The following CAMK2D variants were observed in gnomAD, a reference collection of about 807,000 sequenced individuals.
CAMK2D encodes the protein calcium/calmodulin dependent protein kinase II delta.
In CAMK2D, 37 loss-of-function variants were observed where a neutral mutation model predicts 84.0. The observed-to-expected ratio is 0.44, with a 90% CI of 0.34 to 0.58. The LOEUF (loss-of-function observed/expected upper bound fraction) is 0.58. Ranked by LOEUF, CAMK2D falls within the 20% of genes least tolerant of loss-of-function variation. The pLI is 0.02. For missense variants in CAMK2D, 448 were observed against 652.5 expected, an observed-to-expected ratio of 0.69 and a Z score of 3.41; for synonymous variants, 202 against 212.5, an observed-to-expected ratio of 0.95 and a Z score of 0.43.
chr4:113,556,375 G>A (rs1027518325), intron 4 of CAMK2D, among the ~76,000 whole-genome samples: 67 of 152,114 alleles, frequency 4.4e-4, no homozygotes, highest in African/African-American at 1.6e-3. Context: ...TACCCCAAAG[G>A]ATCATGCAGA....
intron 4 of CAMK2D, among the ~76,000 whole-genome samples, chr4:113,603,805 A>ATACATATATATATATATATATGTATATAT: frequency 7.3e-6 from 1 of 136,898 alleles, no homozygotes; most frequent in East Asian, 2.1e-4. Context: ...ATATATATTT[A>ATACATATATATATATATATATGTATATAT]AAACAGTAAG....
chr4:113,632,023 T>C (rs2099091758), intron 3 of CAMK2D, among the ~76,000 whole-genome samples: 1 of 152,194 alleles, frequency 6.6e-6, no homozygotes, highest in South Asian at 2.1e-4. Context: ...GATAGGCATA[T>C]GTATTTATGA....
At chr4:113,459,689 C>T (rs1057310316) in intron 18 of CAMK2D, among the ~76,000 whole-genome samples, 22 of 142,382 alleles carry the variant, frequency 1.5e-4, no homozygotes, top group Admixed American at 5.8e-4. Context: ...CCCAGGCTTG[C>T]GATCTTGGCT....
intron 17 of CAMK2D, among the ~76,000 whole-genome samples, chr4:113,460,448 C>G (rs2097359333): frequency 6.6e-6 from 1 of 152,014 alleles, no homozygotes; most frequent in Non-Finnish European, 1.5e-5. Context: ...CTGATAGGAA[C>G]AAACTAATTT....
chr4:113,641,400 C>A (rs1172572656), intron 3 of CAMK2D, among the ~76,000 whole-genome samples: 1 of 152,168 alleles, frequency 6.6e-6, no homozygotes, highest in Non-Finnish European at 1.5e-5. Context: ...ATTAAAAACA[C>A]TTGATATAAT....
intron 4 of CAMK2D, among the ~76,000 whole-genome samples, chr4:113,569,808 T>C (rs1175619964): frequency 6.6e-6 from 1 of 152,186 alleles, no homozygotes; most frequent in Non-Finnish European, 1.5e-5. Context: ...GTAGCAAATA[T>C]AAACATATGA....
chr4:113,541,373 G>T (rs1170255040), intron 6 of CAMK2D, among the ~76,000 whole-genome samples: 1 of 152,058 alleles, frequency 6.6e-6, no homozygotes, highest in Non-Finnish European at 1.5e-5. Flanking sequence ...AGAATTTGAA[G>T]TACTCAAAAA....
Position 113,509,771 on chromosome 4 carries a change from TTGC to T in CAMK2D, c.947-99_947-97del. ...AGGTTATTGTCTCCTTCTACCACCT[TTGC>T]TGAGTTCTGGCCAACATATGGCAAG... is the stretch of plus-strand genomic sequence containing the variant. On this transcript the variant is annotated intron_variant, in intron 12 of 20. Coordinates refer to ENST00000511664, the MANE Select transcript of CAMK2D (RefSeq NM_001321571.2). The T allele has an allele frequency of 8.1e-6, 7 of 864,252 alleles. No individual in the cohort carries two copies. The South Asian group carries it at 9.8e-5, about 12-fold the overall frequency. 53.5% of individuals were successfully genotyped at this position (864,252 alleles called of 1,614,324 possible). A position where few individuals can be genotyped will look rare whatever the true frequency, so the allele number is the denominator to read the frequency against.
At chr4:113,496,177 C>T (rs1028742236) in intron 16 of CAMK2D, among the ~76,000 whole-genome samples, 3 of 152,128 alleles carry the variant, frequency 2.0e-5, no homozygotes, top group Non-Finnish European at 4.4e-5. Flanking sequence ...ACACCCCTGG[C>T]GAGGAGTGCA....
At chr4:113,633,987 T>C (rs1010925435) in intron 3 of CAMK2D, among the ~76,000 whole-genome samples, 3 of 152,226 alleles carry the variant, frequency 2.0e-5, no homozygotes, top group Non-Finnish European at 2.9e-5. Context: ...TTATTAAAAA[T>C]ATTTCTGGAG....
At chr4:113,587,066 T>C (rs75414325) in intron 4 of CAMK2D, among the ~76,000 whole-genome samples, 9,357 of 152,254 alleles carry the variant, frequency 0.061, 347 homozygotes, top group South Asian at 0.1. Context: ...CAGTTGTTCA[T>C]AGCACTATTT....
intron 6 of CAMK2D, among the ~76,000 whole-genome samples, chr4:113,543,768 G>GTTTATTTATTTATTTATTTA (rs79922057): frequency 1.4e-5 from 2 of 146,602 alleles, no homozygotes; most frequent in Non-Finnish European, 3.0e-5. Context: ...TATCTATCAA[G>GTTTATTTATTTATTTATTTA]TTTATTTATT....
At chr4:113,750,326 C>G (rs2099614319) in intron 2 of CAMK2D, among the ~76,000 whole-genome samples, 1 of 152,150 alleles carries the variant, frequency 6.6e-6, no homozygotes, top group Non-Finnish European at 1.5e-5. Context: ...GAAGATGGAG[C>G]AGGAACTTTC....
intron 3 of CAMK2D, among the ~76,000 whole-genome samples, chr4:113,640,865 T>A (rs1319207133): frequency 6.6e-6 from 1 of 152,250 alleles, no homozygotes; most frequent in East Asian, 1.9e-4. Context: ...CCTGGCATCA[T>A]CCATAGACAG....
intron 12 of CAMK2D, among the ~76,000 whole-genome samples, chr4:113,512,341 A>G (rs1465284629): frequency 2.0e-5 from 3 of 152,224 alleles, no homozygotes; most frequent in African/African-American, 7.2e-5. Flanking sequence ...GACGCTTACA[A>G]TAAAGAAATG....
rs1266369192 is a variant in CAMK2D, at chr4:113,505,514, C to A, written c.985-479G>T. ...TTTGCTTAGGAGCAATTAAATTATC[C>A]AATGAAAATTTAGATCTTCTGAGAA... On this transcript the variant is annotated intron_variant, in intron 13 of 20. Transcript: ENST00000511664. Among the ~76,000 whole-genome samples the A allele has an allele frequency of 1.7e-4, 26 of 152,222 alleles. No homozygotes were observed. In the South Asian group the frequency reaches 4.8e-3, roughly 28 times the overall value.
At chr4:113,612,720 T>G (rs1196576393) in intron 3 of CAMK2D, among the ~76,000 whole-genome samples, 1 of 152,224 alleles carries the variant, frequency 6.6e-6, no homozygotes, top group Non-Finnish European at 1.5e-5. Flanking sequence ...AAGGTAAAAT[T>G]ACGTGTATGA....
chr4:113,697,562 T>C (rs1490004402), intron 2 of CAMK2D, among the ~76,000 whole-genome samples: 1 of 152,138 alleles, frequency 6.6e-6, no homozygotes, highest in East Asian at 1.9e-4. Context: ...ATTTTCTTCT[T>C]TCTGTACTTG....
At chr4:113,679,183 G>A in intron 2 of CAMK2D, among the ~76,000 whole-genome samples, 1 of 151,396 alleles carries the variant, frequency 6.6e-6, no homozygotes, top group East Asian at 1.9e-4. Context: ...GAATGGAAAG[G>A]TGAAAAAAAA....
Sources: gnomAD v4.1 joint callset for allele counts (sites outside exome capture counted in the v4.1 genomes callset) on GRCh38, gnomAD v4.1.1 for gene constraint, MANE v1.5 for transcripts, NCBI Gene and HGNC (gene_info 2026-07-23, HGNC 2026-07-21) for gene names.